EEA1: variants seen among roughly 807,000 people sequenced by gnomAD.
EEA1 encodes early endosome antigen 1, also known as early endosome antigen 1, 162kD.
In EEA1, 111 loss-of-function variants were observed where a neutral mutation model predicts 209.2. The ratio of observed to expected loss-of-function variants is 0.53; its 90% CI spans 0.45 to 0.62. The LOEUF (loss-of-function observed/expected upper bound fraction) is 0.62. Among genes scored for constraint, EEA1 ranks in the 20% least tolerant of loss-of-function variants. The pLI, the probability that EEA1 is intolerant of heterozygous loss-of-function variation, is 0.00. For missense variants in EEA1, 1,343 were observed against 1,530.8 expected (o/e 0.88, Z 2.05); for synonymous variants, 536 against 540.6 (o/e 0.99, Z 0.12).
Position 92,826,147 on chromosome 12 carries a change from T to C in EEA1, c.1524+19A>G, listed in dbSNP as rs1876285804. ...AATTAATTTGTGTTTACAAGGCTAA[T>C]AACGCAACTAATGTTTACCTGAGCT... On this transcript the variant is annotated intron_variant, in intron 13 of 28. Coordinates refer to ENST00000322349, the MANE Select transcript of EEA1 (RefSeq NM_003566.4). 1 of 1,611,354 alleles carries C rather than the reference T, an allele frequency of 6.2e-7. No homozygotes were observed.
intron 2 of EEA1, among the ~76,000 whole-genome samples, chr12:92,866,146 C>A: frequency 8.2e-6 from 1 of 122,424 alleles, no homozygotes. Flanking sequence ...GAGCCAAGAT[C>A]ATGTCACTGT....
intron 18 of EEA1, among the ~76,000 whole-genome samples, chr12:92,808,380 G>C (rs530044384): frequency 6.6e-6 from 1 of 151,808 alleles, no homozygotes; most frequent in Non-Finnish European, 1.5e-5. Context: ...TGTGAATTTC[G>C]CATCAATAAG....
At chr12:92,796,997 C>T (rs1874681044) in intron 21 of EEA1, among the ~76,000 whole-genome samples, 1 of 152,210 alleles carries the variant, frequency 6.6e-6, no homozygotes, top group African/African-American at 2.4e-5. Flanking sequence ...CTGGCTTGAA[C>T]ATCTCTAGAT....
intron 2 of EEA1, among the ~76,000 whole-genome samples, chr12:92,882,386 C>A (rs553506807): frequency 6.6e-6 from 1 of 152,100 alleles, no homozygotes; most frequent in African/African-American, 2.4e-5. Context: ...GGATTACAGG[C>A]ATGAGTCACC....
In EEA1 at chr12:92,916,066, A is replaced by T. The variant is rs149565648; in HGVS notation, c.24+12977T>A. 7.0e-3 allele frequency among the ~76,000 whole-genome samples: 1,068 copies of T among 152,330 alleles called. 7 individuals carry two copies. The highest frequency in any genetic ancestry group is 7.3e-3 in the Non-Finnish European group (500 of 68,034). On this transcript the variant is annotated intron_variant, in intron 1 of 28. Coordinates refer to ENST00000322349, the MANE Select transcript of EEA1 (RefSeq NM_003566.4). ...ATATTAAGTGAAATATTAAGTGAATATAAGTATTATTAAGTGAAATAATAA... is the reference window on the plus strand; with the variant it reads ...ATATTAAGTGAAATATTAAGTGAATTTAAGTATTATTAAGTGAAATAATAA...
rs1878014392 is a variant in EEA1 at position 92,859,044 on chromosome 12, T to C, written c.246-1559A>G. The C allele has an allele frequency of 3.5e-5, 25 of 704,976 alleles. No homozygotes were observed. The South Asian group carries it at 4.4e-4, about 12-fold the overall frequency. The allele number at this position is 704,976 out of a possible 1,614,324, so 43.7% of individuals were successfully genotyped here. Reference sequence around the variant, plus strand: ...GCAGAACGGTTCTTGTTCAGGTCTCTTATTCTATTGGAGTTTCTCATCCAT... The same window carrying C: ...GCAGAACGGTTCTTGTTCAGGTCTCCTATTCTATTGGAGTTTCTCATCCAT... On this transcript the variant is annotated intron_variant, in intron 3 of 28. Coordinates refer to ENST00000322349, the MANE Select transcript of EEA1 (RefSeq NM_003566.4).
chr12:92,791,931 TC>T (rs1277128428), intron 21 of EEA1, among the ~76,000 whole-genome samples: 24 of 152,128 alleles, frequency 1.6e-4, no homozygotes, highest in Admixed American at 1.6e-3. Context: ...GTCTCTCAGA[TC>T]ACAGTGCCAT....
At chr12:92,881,667 G>A (rs1439526667) in intron 2 of EEA1, among the ~76,000 whole-genome samples, 1 of 152,194 alleles carries the variant, frequency 6.6e-6, no homozygotes, top group Non-Finnish European at 1.5e-5. Flanking sequence ...CAGGCCATTA[G>A]TGAGTAGTTT....
intron 20 of EEA1, among the ~76,000 whole-genome samples, chr12:92,799,953 G>T (rs1338351280): frequency 6.6e-6 from 1 of 151,778 alleles, no homozygotes; most frequent in East Asian, 1.9e-4. Context: ...CACAGGCCAG[G>T]TGCTCACGCC....
intron 9 of EEA1, among the ~76,000 whole-genome samples, chr12:92,849,667 A>C (rs1877529855): frequency 3.3e-5 from 5 of 152,206 alleles, no homozygotes; most frequent in Admixed American, 2.6e-4. Context: ...TGTGTGTTAT[A>C]TCCACAAACT....
chr12:92,832,414 T>C, intron 11 of EEA1, 98 bp downstream of exon 11: 6 of 1,167,664 alleles, frequency 5.1e-6, no homozygotes, highest in Non-Finnish European at 7.2e-6. Flanking sequence ...AATGACAATA[T>C]TTTTTCAACA....
intron 2 of EEA1, among the ~76,000 whole-genome samples, chr12:92,886,719 C>T (rs1302574230): frequency 6.6e-6 from 1 of 151,950 alleles, no homozygotes; most frequent in Non-Finnish European, 1.5e-5. Flanking sequence ...AAAAGAAAAG[C>T]CAGTCACGGT....
chr12:92,823,408 A>G (rs1876152982), intron 13 of EEA1, among the ~76,000 whole-genome samples: 1 of 152,224 alleles, frequency 6.6e-6, no homozygotes, highest in Non-Finnish European at 1.5e-5. Flanking sequence ...AGTATCCTTT[A>G]TCCTTGTAAC....
intron 3 of EEA1, among the ~76,000 whole-genome samples, chr12:92,860,433 G>A (rs1878088470): frequency 6.6e-6 from 1 of 152,178 alleles, no homozygotes; most frequent in South Asian, 2.1e-4. Flanking sequence ...TGGCGGGGAG[G>A]AGGAAATCCC....
chr12:92,795,617 G>A (rs1442353296), intron 21 of EEA1, among the ~76,000 whole-genome samples: 1 of 152,158 alleles, frequency 6.6e-6, no homozygotes, highest in African/African-American at 2.4e-5. Flanking sequence ...TGAGAAGGAT[G>A]GATTCAAGAA....
chr12:92,907,089 A>C (rs1478936218), intron 1 of EEA1, among the ~76,000 whole-genome samples: 1 of 152,208 alleles, frequency 6.6e-6, no homozygotes, highest in Admixed American at 6.5e-5. Flanking sequence ...GCAAATAACA[A>C]ATACTATTTC....
At chr12:92,860,910 A>G (rs1187011068) in intron 3 of EEA1, among the ~76,000 whole-genome samples, 4 of 150,528 alleles carry the variant, frequency 2.7e-5, no homozygotes, top group South Asian at 2.1e-4. Flanking sequence ...ACAAAGAAGA[A>G]GAGGAGGAGG....
At chr12:92,811,478 A>G (rs377367309) in intron 16 of EEA1, 44 bp from the exon 17 acceptor site, 14 of 1,320,338 alleles carry the variant, frequency 1.1e-5, no homozygotes, top group African/African-American at 6.1e-5. Context: ...AAGGTTTACT[A>G]TATTGTAGTG....
chr12:92,838,541 T>C (rs955070715), intron 10 of EEA1, among the ~76,000 whole-genome samples: 3 of 152,184 alleles, frequency 2.0e-5, no homozygotes, highest in Non-Finnish European at 2.9e-5. Context: ...AGAGGTTTAC[T>C]AGGGAAAAGC....
Sources: allele counts gnomAD v4.1 joint callset (sites outside exome capture counted in the v4.1 genomes callset), GRCh38; gene constraint gnomAD v4.1.1; transcripts MANE v1.5; gene names NCBI Gene and HGNC (gene_info 2026-07-23, HGNC 2026-07-21).